Variants in SCNN1A observed in about 807,000 individuals in gnomAD.
SCNN1A encodes sodium channel epithelial 1 subunit alpha.
A neutral mutation model predicts 68.6 loss-of-function variants in SCNN1A; 65 were observed. The observed-to-expected ratio is 0.95, with a 90% CI of 0.78 to 1.16. The LOEUF (loss-of-function observed/expected upper bound fraction) is 1.16, where lower values mean the gene tolerates loss of function less well. SCNN1A is among the 50% of genes most tolerant of loss of function. The pLI is 0.00. For missense variants in SCNN1A, 880 were observed against 865.9 expected (o/e 1.02, Z -0.20); for synonymous variants, 357 against 353.3 (o/e 1.01, Z -0.12).
chr12:6,350,851 T>C (rs890794728), intron 8 of SCNN1A, among the ~76,000 whole-genome samples: 2 of 150,352 alleles, frequency 1.3e-5, no homozygotes, highest in Admixed American at 1.3e-4. Flanking sequence ...AAATAATAAA[T>C]AAATAAATAA....
At chr12:6,359,724 A>T (rs1409051526) in intron 4 of SCNN1A, among the ~76,000 whole-genome samples, 1 of 150,150 alleles carries the variant, frequency 6.7e-6, no homozygotes, top group Non-Finnish European at 1.5e-5. Context: ...TGAGCCAATT[A>T]AACCTCTTTC....
At chr12:6,359,943 A>G (rs1301829619) in intron 4 of SCNN1A, among the ~76,000 whole-genome samples, 1 of 151,618 alleles carries the variant, frequency 6.6e-6, no homozygotes, top group Non-Finnish European at 1.5e-5. Flanking sequence ...GCTAATTTTT[A>G]TATTTCCAGT....
At chr12:6,353,213 A>C (rs1323904348) in intron 8 of SCNN1A, among the ~76,000 whole-genome samples, 9 of 151,428 alleles carry the variant, frequency 5.9e-5, no homozygotes. Context: ...AACTTTACTG[A>C]TTGTGCCCTT....
Position 6,354,825 on chromosome 12 carries a change from G to A in SCNN1A, c.1167C>T (p.Gly389=), listed in dbSNP as rs756833708. Residue 389 remains glycine (G), a synonymous_variant, in exon 7 of 13, where the codon GGC becomes GGT. Transcript: ENST00000228916. ...MRKETLDRLG[G]DYGDCTKNGS... ...CATTCTTGGTGCAGTCGCCATAATC[G>A]CCCCCAAGTCTGTCCAGGGTTTCCT... The A allele has an allele frequency of 7.4e-6, 12 of 1,613,572 alleles. No homozygotes were observed. Among genetic ancestry groups the A allele is most frequent in the East Asian group, 2.2e-5 (1 of 44,872 alleles).
At chr12:6,375,121 C>T in intron 1 of SCNN1A, 1 of 1,490,084 alleles carries the variant, frequency 6.7e-7, no homozygotes, top group Non-Finnish European at 8.9e-7. Flanking sequence ...GAGTTTTGTC[C>T]TAGCACCTCC....
At chr12:6,373,097 A>C (rs1259581868) in intron 2 of SCNN1A, among the ~76,000 whole-genome samples, 1 of 152,130 alleles carries the variant, frequency 6.6e-6, no homozygotes, top group Non-Finnish European at 1.5e-5. Flanking sequence ...TACCTGGGAC[A>C]TTATACAGAC....
chr12:6,349,116 A>C (rs749844503), intron 10 of SCNN1A, 48 bp downstream of exon 10: 1 of 1,605,574 alleles, frequency 6.2e-7, no homozygotes, highest in Admixed American at 1.7e-5. Flanking sequence ...AGGCCACAGC[A>C]TTACATGGGC....
At chr12:6,369,134 C>T (rs1283478076) in intron 2 of SCNN1A, among the ~76,000 whole-genome samples, 2 of 152,186 alleles carry the variant, frequency 1.3e-5, no homozygotes, top group East Asian at 3.9e-4. Flanking sequence ...GGCTCAAGTC[C>T]CTTCTGCCTC....
intron 3 of SCNN1A, 42 bp from the exon 4 acceptor site, chr12:6,362,283 G>A (rs1948593104): frequency 1.9e-6 from 3 of 1,579,190 alleles, no homozygotes; most frequent in Non-Finnish European, 2.6e-6. Context: ...CGCAGCCGGG[G>A]ATAAGCCCCT....
At chr12:6,373,365 G>A (rs1015733099) in intron 2 of SCNN1A, among the ~76,000 whole-genome samples, 2 of 152,070 alleles carry the variant, frequency 1.3e-5, no homozygotes, top group Non-Finnish European at 2.9e-5. Context: ...ACTTATCCCA[G>A]TGTGCCACAG....
At chr12:6,376,407 G>A (rs1592091943), upstream of SCNN1A, among the ~76,000 whole-genome samples, 1 of 152,230 alleles carries the variant, frequency 6.6e-6, no homozygotes, top group African/African-American at 2.4e-5. Flanking sequence ...AGGAATGTGG[G>A]CAACCAGAGG....
upstream of SCNN1A, chr12:6,375,898 C>A: frequency 1.6e-6 from 2 of 1,226,310 alleles, no homozygotes; most frequent in South Asian, 2.7e-5. Flanking sequence ...AAGAGGGAGA[C>A]AATAGAGAGG....
In SCNN1A at chr12:6,348,244, G is replaced by A; in HGVS notation, c.1639C>T (p.Leu547Phe). The change falls in exon 13 of 13, where the codon CTC becomes TTC. Residue 547 changes from leucine to phenylalanine, a missense_variant. This residue lies in a region of SCNN1A where 758 missense variants were observed against 721.8 expected (regional missense o/e 1.05). Coordinates refer to ENST00000228916, the MANE Select transcript of SCNN1A (RefSeq NM_001038.6). ...CACTGGCTGCCCAGGTTGGACAGGA[G>A]GGTGACCATCTGTGAGAGGAGAGGT... The part of the protein sequence containing the change: ...SESPSVTMVT[L>F]LSNLGSQWSL... 2 of 1,614,044 alleles carry A rather than the reference G, an allele frequency of 1.2e-6. No homozygotes were observed. The highest frequency in any genetic ancestry group is 1.7e-6 in the Non-Finnish European group (2 of 1,180,008).
intron 4 of SCNN1A, chr12:6,356,224 C>A (rs536870725): frequency 1.6e-5 from 6 of 374,346 alleles, no homozygotes; most frequent in Non-Finnish European, 3.0e-5. Context: ...CATTGACTTC[C>A]GTGCTGCCTT....
intron 8 of SCNN1A, among the ~76,000 whole-genome samples, chr12:6,352,933 A>G (rs1592063926): frequency 6.6e-6 from 1 of 152,236 alleles, no homozygotes; most frequent in Non-Finnish European, 1.5e-5. Flanking sequence ...CCCTCCCGTG[A>G]TGGCCCTCCG....
Position 6,350,373 on chromosome 12 carries a change from A to G in SCNN1A, c.1361-968T>C, listed in dbSNP as rs542317888. 1.7e-3 allele frequency among the ~76,000 whole-genome samples: 264 copies of G among 151,104 alleles called. 1 individual carries two copies. Among genetic ancestry groups the G allele is most frequent in the African/African-American group, 5.7e-3 (233 of 41,154 alleles). Reference sequence around the variant, plus strand: ...CGTGAACCCGGGAGGCGGAGCTTGCAGTGAGCCGAGATCGCGCCATTGCAC... The same window carrying G: ...CGTGAACCCGGGAGGCGGAGCTTGCGGTGAGCCGAGATCGCGCCATTGCAC... On this transcript the variant is annotated intron_variant, in intron 8 of 12. Coordinates refer to ENST00000228916, the MANE Select transcript of SCNN1A (RefSeq NM_001038.6).
At chr12:6,362,938 CT>C (rs1948605115) in intron 3 of SCNN1A, among the ~76,000 whole-genome samples, 1 of 99,590 alleles carries the variant, frequency 1.0e-5, no homozygotes. Context: ...ACGCCTAGGC[CT>C]CCCAAAGTGC....
At position 6,354,845 on chromosome 12, in the gene SCNN1A, T is replaced by C; in HGVS notation, c.1147A>G (p.Thr383Ala). The C allele has an allele frequency of 1.2e-6, 2 of 1,613,018 alleles. No homozygotes were observed. Among genetic ancestry groups the C allele is most frequent in the Non-Finnish European group, 1.7e-6 (2 of 1,179,462 alleles). The change falls in exon 7 of 13, where the codon ACC becomes GCC. Residue 383 changes from threonine (T) to alanine (A), a missense_variant. Thr to Ala is a moderately conservative substitution (Grantham distance 58). Transcript: ENST00000228916. ...VETSISMRKE[T>A]LDRLGGDYGD... ...TAATCGCCCCCAAGTCTGTCCAGGG[T>C]TTCCTATGAACCCACATACACCAAG...
At chr12:6,354,390 T>C (rs756110499) in intron 8 of SCNN1A, 48 bp downstream of exon 8, 47 of 1,274,198 alleles carry the variant, frequency 3.7e-5, no homozygotes, top group Non-Finnish European at 5.2e-5. Context: ...AGTGCCTCAG[T>C]GAGTACTGGG....
Sources: gnomAD v4.1 joint callset for allele counts (sites outside exome capture counted in the v4.1 genomes callset) on GRCh38, gnomAD v4.1.1 for gene constraint, gnomAD v4.1.1 regional missense constraint, MANE v1.5 for transcripts, NCBI Gene and HGNC (gene_info 2026-07-23, HGNC 2026-07-21) for gene names.